Variants in PTPRT observed in about 807,000 individuals in gnomAD.
PTPRT encodes receptor-type tyrosine-protein phosphatase T.
In PTPRT, 56 loss-of-function variants were observed where a neutral mutation model predicts 176.8. The observed-to-expected ratio is 0.32, with a 90% confidence interval of 0.26 to 0.40. PTPRT has a LOEUF of 0.40. Among genes scored for constraint, PTPRT ranks in the 10% least tolerant of loss-of-function variants. PTPRT has a pLI of 1.00. For missense variants in PTPRT, 1,540 were observed against 1,908.2 expected (o/e 0.81, Z 3.60); for synonymous variants, 783 against 739.0 (o/e 1.06, Z -0.96).
At chr20:42,915,860 G>T (rs1471737276) in intron 1 of PTPRT, among the ~76,000 whole-genome samples, 1 of 151,652 alleles carries the variant, frequency 6.6e-6, no homozygotes. Flanking sequence ...CAGTCTCCCC[G>T]AGAGTTCTGG....
intron 7 of PTPRT, among the ~76,000 whole-genome samples, chr20:42,497,977 G>GC (rs58390398): frequency 0.18 from 27,860 of 151,988 alleles, 5,976 homozygotes; most frequent in African/African-American, 0.52. Context: ...TACATATCAA[G>GC]AATTTAACCT....
At chr20:42,375,903 G>T (rs1268645573) in intron 9 of PTPRT, among the ~76,000 whole-genome samples, 1 of 152,134 alleles carries the variant, frequency 6.6e-6, no homozygotes, top group Non-Finnish European at 1.5e-5. Context: ...GAACATTAGT[G>T]TTCAACATTG....
chr20:42,334,940 G>A lies in PTPRT; in HGVS notation c.1865+15688C>T, dbSNP rs139897184. Among the ~76,000 whole-genome samples the A allele has an allele frequency of 1.3e-3, 197 of 152,310 alleles. 2 individuals are homozygous for A. The highest frequency in any genetic ancestry group is 4.4e-3 in the African/African-American group (181 of 41,572). On this transcript the variant is annotated intron_variant, in intron 11 of 30. Transcript: ENST00000373187. Reference sequence around the variant, plus strand: ...CTCCTCACTGTTATTGCAGTGAAATGTGAAAAAGCATAGAAATCCACAAGG... The same window carrying A: ...CTCCTCACTGTTATTGCAGTGAAATATGAAAAAGCATAGAAATCCACAAGG...
At chr20:42,647,062 T>G (rs1335153895) in intron 7 of PTPRT, among the ~76,000 whole-genome samples, 1 of 151,604 alleles carries the variant, frequency 6.6e-6, no homozygotes, top group African/African-American at 2.4e-5. Flanking sequence ...GCCAGCTACT[T>G]TTTAAAAATT....
At chr20:42,508,289 A>C (rs1484135769) in intron 7 of PTPRT, among the ~76,000 whole-genome samples, 1 of 151,974 alleles carries the variant, frequency 6.6e-6, no homozygotes, top group Non-Finnish European at 1.5e-5. Flanking sequence ...AGGAAAGGTG[A>C]ATTCTAAGCT....
intron 15 of PTPRT, among the ~76,000 whole-genome samples, chr20:42,212,473 A>G (rs1264703033): frequency 6.6e-6 from 1 of 150,934 alleles, no homozygotes; most frequent in Admixed American, 6.6e-5. Context: ...GGATGTGTGC[A>G]GCATTTAAAG....
intron 2 of PTPRT, among the ~76,000 whole-genome samples, chr20:42,867,927 C>T (rs2078777577): frequency 6.6e-6 from 1 of 152,034 alleles, no homozygotes; most frequent in African/African-American, 2.4e-5. Context: ...GGTGATCTGC[C>T]CGCCTTGGCC....
the PTPRT span, among the ~76,000 whole-genome samples, chr20:42,039,690 G>GTATATATATATATATATATATATATA: frequency 1.6e-5 from 1 of 64,066 alleles, no homozygotes; most frequent in Non-Finnish European, 4.4e-5. Context: ...ATATTCTGTT[G>GTATATATATATATATATATATATATA]TGTATATATA....
intron 15 of PTPRT, among the ~76,000 whole-genome samples, chr20:42,222,248 G>C (rs533879999): frequency 6.6e-6 from 1 of 152,188 alleles, no homozygotes; most frequent in Non-Finnish European, 1.5e-5. Context: ...CCCCTGCTCA[G>C]TGTGGTGAGA....
chr20:42,669,878 C>G (rs188071693), intron 7 of PTPRT, among the ~76,000 whole-genome samples: 4 of 152,224 alleles, frequency 2.6e-5, no homozygotes, highest in Admixed American at 2.6e-4. Flanking sequence ...TTCTTACAAG[C>G]CTTGGCCTCC....
chr20:42,210,634 G>C (rs1371748056), intron 15 of PTPRT, among the ~76,000 whole-genome samples: 2 of 147,044 alleles, frequency 1.4e-5, no homozygotes, highest in African/African-American at 2.5e-5. Flanking sequence ...CACTGCTCAA[G>C]GAAATAAAAG....
intron 15 of PTPRT, among the ~76,000 whole-genome samples, chr20:42,221,122 G>A (rs140699539): frequency 6.6e-6 from 1 of 152,094 alleles, no homozygotes; most frequent in African/African-American, 2.4e-5. Context: ...TCCTACCTCA[G>A]CCTCCCGAGT....
chr20:42,368,141 C>G (rs952680562), intron 9 of PTPRT, among the ~76,000 whole-genome samples: 1 of 152,174 alleles, frequency 6.6e-6, no homozygotes. Context: ...AGCTGCCTGA[C>G]TCAACAACCT....
chr20:42,718,290 C>T (rs185218760), intron 6 of PTPRT, among the ~76,000 whole-genome samples: 12 of 152,312 alleles, frequency 7.9e-5, no homozygotes, highest in Admixed American at 7.2e-4. Flanking sequence ...GTAATCCCAG[C>T]ACTTTGGGAG....
At chr20:42,564,035 G>A (rs2072998367) in intron 7 of PTPRT, among the ~76,000 whole-genome samples, 1 of 152,188 alleles carries the variant, frequency 6.6e-6, no homozygotes, top group African/African-American at 2.4e-5. Context: ...ATCAGAAGAG[G>A]GAAGAAACAG....
At chr20:43,080,033 T>C (rs550543378) in intron 1 of PTPRT, among the ~76,000 whole-genome samples, 1 of 152,342 alleles carries the variant, frequency 6.6e-6, no homozygotes, top group African/African-American at 2.4e-5. Flanking sequence ...TAATAGATTA[T>C]ATTATTGTTC....
At chr20:42,652,626 T>C (rs750320416) in intron 7 of PTPRT, among the ~76,000 whole-genome samples, 10 of 152,130 alleles carry the variant, frequency 6.6e-5, no homozygotes, top group Non-Finnish European at 1.3e-4. Flanking sequence ...TCACATTCCT[T>C]TCTTTGCTGC....
At chr20:42,532,744 C>T (rs1465763255) in intron 7 of PTPRT, among the ~76,000 whole-genome samples, 1 of 152,120 alleles carries the variant, frequency 6.6e-6, no homozygotes, top group Admixed American at 6.5e-5. Flanking sequence ...AGACCTGAAA[C>T]CATTCCCCCA....
intron 2 of PTPRT, among the ~76,000 whole-genome samples, chr20:42,868,372 A>G (rs538790693): frequency 1.3e-5 from 2 of 152,346 alleles, no homozygotes; most frequent in African/African-American, 2.4e-5. Flanking sequence ...AAGATAGCCA[A>G]GAACTTGGCT....
Sources: gnomAD v4.1 joint callset for allele counts (sites outside exome capture counted in the v4.1 genomes callset) on GRCh38, gnomAD v4.1.1 for gene constraint, MANE v1.5 for transcripts, NCBI Gene and HGNC (gene_info 2026-07-23, HGNC 2026-07-21) for gene names.